Variants in KCNB2 observed in about 807,000 individuals in gnomAD.
KCNB2 encodes the protein potassium voltage-gated channel subfamily B member 2.
A neutral mutation model predicts 61.5 loss-of-function variants in KCNB2; 15 were observed. That is an observed-to-expected ratio of 0.24 (90% CI 0.16 to 0.38). The LOEUF (loss-of-function observed/expected upper bound fraction) is 0.38, where lower values mean the gene tolerates loss of function less well. Among genes scored for constraint, KCNB2 ranks in the 10% least tolerant of loss-of-function variants. KCNB2 has a pLI of 1.00. For missense variants in KCNB2, 828 were observed against 1,125.2 expected (o/e 0.74, Z 3.78); for synonymous variants, 457 against 446.0 (o/e 1.02, Z -0.31).
chr8:72,610,118 A>G (rs908395084), intron 2 of KCNB2, among the ~76,000 whole-genome samples: 1 of 152,204 alleles, frequency 6.6e-6, no homozygotes, highest in Non-Finnish European at 1.5e-5. Flanking sequence ...GGAAAAAAAA[A>G]TCTTCAAATC....
intron 2 of KCNB2, among the ~76,000 whole-genome samples, chr8:72,824,413 C>G (rs549563973): frequency 2.6e-5 from 4 of 152,042 alleles, no homozygotes; most frequent in Non-Finnish European, 5.9e-5. Flanking sequence ...TTCCCCAGCC[C>G]CCCTGTAGTG....
chr8:72,570,262 T>A (rs1321777428), intron 2 of KCNB2, among the ~76,000 whole-genome samples: 1 of 152,170 alleles, frequency 6.6e-6, no homozygotes, highest in Non-Finnish European at 1.5e-5. Context: ...AGACATTGGT[T>A]TTGGAAAATT....
intron 2 of KCNB2, among the ~76,000 whole-genome samples, chr8:72,810,112 T>A (rs192931854): frequency 3.3e-5 from 5 of 152,188 alleles, no homozygotes; most frequent in African/African-American, 1.2e-4. Context: ...GTACTTAAGA[T>A]GCCATGGGGA....
intron 2 of KCNB2, among the ~76,000 whole-genome samples, chr8:72,693,616 G>C (rs948873236): frequency 6.6e-6 from 1 of 152,164 alleles, no homozygotes; most frequent in Non-Finnish European, 1.5e-5. Flanking sequence ...TATATAGGCA[G>C]TTCGTAATAT....
intron 2 of KCNB2, among the ~76,000 whole-genome samples, chr8:72,825,817 T>C (rs773648155): frequency 1.2e-4 from 19 of 152,204 alleles, no homozygotes; most frequent in Non-Finnish European, 2.8e-4. Flanking sequence ...ACACACATGA[T>C]TTGCTAATAT....
At chr8:72,907,167 G>A (rs1328362160) in intron 2 of KCNB2, among the ~76,000 whole-genome samples, 1 of 152,032 alleles carries the variant, frequency 6.6e-6, no homozygotes, top group African/African-American at 2.4e-5. Flanking sequence ...GACCATCCTG[G>A]CCAACATGGT....
chr8:72,888,331 G>A lies in KCNB2; in HGVS notation c.580-47604G>A, dbSNP rs139632855. On this transcript the variant is annotated intron_variant, in intron 2 of 2. Transcript: ENST00000523207. ...TCACCATGTTGCTCAGGCTGGTCTCGAACTCCTGGGCTCAAGAGATCCACC... is the reference window on the plus strand; with the variant it reads ...TCACCATGTTGCTCAGGCTGGTCTCAAACTCCTGGGCTCAAGAGATCCACC... Among the ~76,000 whole-genome samples, 82 of 152,070 alleles carry A rather than the reference G, an allele frequency of 5.4e-4. 1 individual carries two copies. The highest frequency in any genetic ancestry group is 1.7e-3 in the African/African-American group (70 of 41,484).
intron 2 of KCNB2, among the ~76,000 whole-genome samples, chr8:72,687,047 A>T (rs1371760554): frequency 6.6e-6 from 1 of 152,194 alleles, no homozygotes; most frequent in African/African-American, 2.4e-5. Context: ...AAGTCACTTG[A>T]GAATGCTACT....
intron 2 of KCNB2, among the ~76,000 whole-genome samples, chr8:72,716,006 A>G (rs1345813421): frequency 1.3e-5 from 2 of 152,214 alleles, no homozygotes; most frequent in East Asian, 3.8e-4. Context: ...CAGAAATACA[A>G]ACTACCATCA....
At position 72,712,597 on chromosome 8, in the gene KCNB2, T is replaced by C. The variant is rs189917976; in HGVS notation, c.579+144284T>C. ...TTACATGTGTTATAGTTTAATGTGC[T>C]TCAATATTCTTACATTTAATAACGA... On this transcript the variant is annotated intron_variant, in intron 2 of 2. Coordinates refer to ENST00000523207, the MANE Select transcript of KCNB2 (RefSeq NM_004770.3). Among the ~76,000 whole-genome samples, 240 of 152,336 alleles carry C rather than the reference T, an allele frequency of 1.6e-3. 2 individuals are homozygous for C. The highest frequency in any genetic ancestry group is 5.5e-3 in the African/African-American group (228 of 41,582).
intron 2 of KCNB2, among the ~76,000 whole-genome samples, chr8:72,713,782 C>T (rs1013021967): frequency 6.6e-6 from 1 of 152,188 alleles, no homozygotes; most frequent in Admixed American, 6.5e-5. Context: ...CGCAGCTCCT[C>T]ACCAGCAATG....
At chr8:72,566,020 AG>A (rs1030785470) in intron 1 of KCNB2, among the ~76,000 whole-genome samples, 15 of 152,204 alleles carry the variant, frequency 9.9e-5, no homozygotes, top group African/African-American at 3.6e-4. Flanking sequence ...TTTCTCTAGA[AG>A]GTGAGGTTTG....
chr8:72,639,318 G>T (rs1172772007), intron 2 of KCNB2, among the ~76,000 whole-genome samples: 2 of 152,088 alleles, frequency 1.3e-5, no homozygotes, highest in African/African-American at 4.8e-5. Flanking sequence ...GACGCCTATT[G>T]ATTAGACATC....
chr8:72,884,398 C>T (rs888335724), intron 2 of KCNB2, among the ~76,000 whole-genome samples: 2 of 151,866 alleles, frequency 1.3e-5, no homozygotes, highest in African/African-American at 2.4e-5. Context: ...GTTGTGTATG[C>T]GTGTGCACGT....
intron 2 of KCNB2, among the ~76,000 whole-genome samples, chr8:72,795,813 A>C (rs1809022920): frequency 6.6e-6 from 1 of 152,256 alleles, no homozygotes; most frequent in East Asian, 1.9e-4. Context: ...GATGGTAAAG[A>C]ACAACATATT....
chr8:72,663,200 G>A (rs1019704325), intron 2 of KCNB2, among the ~76,000 whole-genome samples: 3 of 152,094 alleles, frequency 2.0e-5, no homozygotes, highest in Non-Finnish European at 4.4e-5. Context: ...ACCTGTCTAC[G>A]GTTTGCACAA....
chr8:72,737,900 AC>A (rs1807876270), intron 2 of KCNB2, among the ~76,000 whole-genome samples: 1 of 152,182 alleles, frequency 6.6e-6, no homozygotes, highest in Non-Finnish European at 1.5e-5. Context: ...TCTATCAGGT[AC>A]CACTAAAAAA....
At chr8:72,818,625 A>C in intron 2 of KCNB2, among the ~76,000 whole-genome samples, 1 of 152,294 alleles carries the variant, frequency 6.6e-6, no homozygotes, top group East Asian at 1.9e-4. Context: ...GAATGAATAT[A>C]TTTTATGATG....
At chr8:72,874,843 C>T (rs560290507) in intron 2 of KCNB2, 1 of 152,336 alleles carries the variant, frequency 6.6e-6, no homozygotes, top group African/African-American at 2.4e-5. Context: ...CAGTCTGCGA[C>T]AAGGAAAAAT....
Sources: gnomAD v4.1 joint callset for allele counts (sites outside exome capture counted in the v4.1 genomes callset) on GRCh38, gnomAD v4.1.1 for gene constraint, MANE v1.5 for transcripts, NCBI Gene and HGNC (gene_info 2026-07-23, HGNC 2026-07-21) for gene names.